The following EPHA3 variants were observed in gnomAD, a reference collection of about 807,000 sequenced individuals.
The protein encoded by EPHA3 is EPH receptor A3.
A neutral mutation model predicts 107.1 loss-of-function variants in EPHA3; 42 were observed. That is an observed-to-expected ratio of 0.39 (90% CI 0.31 to 0.51). EPHA3 has a LOEUF of 0.51. Among genes scored for constraint, EPHA3 ranks in the 20% least tolerant of loss-of-function variants. The pLI is 0.78. For missense variants in EPHA3, 1,183 were observed against 1,211.2 expected, an observed-to-expected ratio of 0.98 and a Z score of 0.35; for synonymous variants, 461 against 424.8, an observed-to-expected ratio of 1.09 and a Z score of -1.05.
chr3:89,369,824 A>G (rs1708257622), intron 5 of EPHA3, among the ~76,000 whole-genome samples: 2 of 150,106 alleles, frequency 1.3e-5, no homozygotes, highest in Admixed American at 1.3e-4. Context: ...AAAACAAACA[A>G]CCCCATCAAA....
chr3:89,389,317 T>C (rs985347242), intron 5 of EPHA3, among the ~76,000 whole-genome samples: 8 of 152,200 alleles, frequency 5.3e-5, no homozygotes, highest in African/African-American at 1.9e-4. Context: ...GTAGGCATTG[T>C]AATGAATGGT....
Position 89,479,491 on chromosome 3 carries a change from G to A in EPHA3, c.2941G>A (p.Val981Ile). Residue 981 changes from valine (V) to isoleucine (I), a missense_variant, in exon 17 of 17, where the codon GTT (valine) becomes ATT (isoleucine). By Grantham distance (29) the Val-to-Ile change is conservative. Transcript: ENST00000336596. ...AGAAACGCAATCAAAGAATGGCCCA[G>A]TTCCCGTGTAAAGCACGGGACGGAA... ...ALETQSKNGP[V>I]PV is the part of the protein sequence containing the mutation. The A allele has an allele frequency of 1.2e-6, 2 of 1,613,936 alleles. No individual in the cohort carries two copies. The highest frequency in any genetic ancestry group is 1.7e-6 in the Non-Finnish European group (2 of 1,179,850).
At chr3:89,320,881 T>C (rs972421999) in intron 3 of EPHA3, among the ~76,000 whole-genome samples, 19 of 152,090 alleles carry the variant, frequency 1.2e-4, no homozygotes, top group Non-Finnish European at 5.9e-5. Flanking sequence ...TCCTCTGTAA[T>C]GTGAAATTGA....
intron 1 of EPHA3, among the ~76,000 whole-genome samples, chr3:89,112,810 G>T (rs1707145271): frequency 6.6e-6 from 1 of 151,592 alleles, no homozygotes; most frequent in African/African-American, 2.4e-5. Flanking sequence ...TTCTTTCAAT[G>T]ATTCGGTTTG....
At chr3:89,367,457 G>A (rs910330625) in intron 5 of EPHA3, among the ~76,000 whole-genome samples, 1 of 150,552 alleles carries the variant, frequency 6.6e-6, no homozygotes, top group African/African-American at 2.4e-5. Context: ...CAGGGACCTA[G>A]CTTTATCCAT....
At chr3:89,230,070 T>A (rs1261912321) in intron 3 of EPHA3, among the ~76,000 whole-genome samples, 17 of 152,202 alleles carry the variant, frequency 1.1e-4, no homozygotes, top group African/African-American at 3.9e-4. Flanking sequence ...ATATGAGTAA[T>A]AAAAGTTAGA....
chr3:89,296,312 A>T (rs1168784057), intron 3 of EPHA3, among the ~76,000 whole-genome samples: 1 of 152,228 alleles, frequency 6.6e-6, no homozygotes, highest in Non-Finnish European at 1.5e-5. Context: ...CTTACAAAAT[A>T]TATTTCTTAG....
At chr3:89,255,992 C>T (rs1435692478) in intron 3 of EPHA3, among the ~76,000 whole-genome samples, 9 of 152,002 alleles carry the variant, frequency 5.9e-5, no homozygotes, top group Non-Finnish European at 5.9e-5. Flanking sequence ...TTTTGGGAGG[C>T]CAAAGCCAGC....
intron 3 of EPHA3, among the ~76,000 whole-genome samples, chr3:89,223,027 G>C (rs1464176336): frequency 6.6e-6 from 1 of 152,096 alleles, no homozygotes; most frequent in East Asian, 1.9e-4. Context: ...AAATCTAAAA[G>C]CTTATTTAAA....
chr3:89,173,330 C>G (rs1211707961), intron 2 of EPHA3, among the ~76,000 whole-genome samples: 1 of 151,864 alleles, frequency 6.6e-6, no homozygotes, highest in African/African-American at 2.4e-5. Flanking sequence ...AATCCAAGGC[C>G]AAAAATGCAT....
At chr3:89,432,040 A>G (rs1269997547) in intron 13 of EPHA3, among the ~76,000 whole-genome samples, 7 of 152,048 alleles carry the variant, frequency 4.6e-5, no homozygotes, top group Non-Finnish European at 8.8e-5. Flanking sequence ...TGTATTCTAT[A>G]TTGTTGTATC....
intron 5 of EPHA3, among the ~76,000 whole-genome samples, chr3:89,347,419 T>A (rs1707694164): frequency 6.7e-6 from 1 of 150,072 alleles, no homozygotes; most frequent in Admixed American, 6.7e-5. Flanking sequence ...GCTGTTTGTC[T>A]GTTGTTGGTG....
chr3:89,390,079 C>T (rs1280146247), intron 5 of EPHA3, among the ~76,000 whole-genome samples: 1 of 152,112 alleles, frequency 6.6e-6, no homozygotes, highest in African/African-American at 2.4e-5. Flanking sequence ...GTAACCTCCA[C>T]CTCCAGGATT....
chr3:89,455,503 A>G (rs1710079039), intron 15 of EPHA3, among the ~76,000 whole-genome samples: 1 of 152,148 alleles, frequency 6.6e-6, no homozygotes, highest in South Asian at 2.1e-4. Flanking sequence ...ACTTTGAAAT[A>G]TTTTTCAAAT....
intron 5 of EPHA3, among the ~76,000 whole-genome samples, chr3:89,351,012 C>G (rs1480459135): frequency 1.3e-5 from 2 of 151,402 alleles, no homozygotes; most frequent in Non-Finnish European, 3.0e-5. Flanking sequence ...AACCACTGCT[C>G]TCTTCAAAGC....
At chr3:89,111,087 T>C (rs1413181795) in intron 1 of EPHA3, among the ~76,000 whole-genome samples, 2 of 151,996 alleles carry the variant, frequency 1.3e-5, no homozygotes, top group Non-Finnish European at 2.9e-5. Flanking sequence ...TTAAAGACTT[T>C]TTTTAGTAGC....
At chr3:89,407,863 C>A (rs1396583275) in intron 8 of EPHA3, among the ~76,000 whole-genome samples, 2 of 152,134 alleles carry the variant, frequency 1.3e-5, no homozygotes, top group Non-Finnish European at 2.9e-5. Context: ...CTCTGTGTAT[C>A]TCCTCATTAG....
chr3:89,283,313 A>G (rs1343746537), intron 3 of EPHA3, among the ~76,000 whole-genome samples: 2 of 152,104 alleles, frequency 1.3e-5, no homozygotes, highest in Non-Finnish European at 2.9e-5. Context: ...ACAGAGGAAA[A>G]ACATAATGTT....
intron 13 of EPHA3, among the ~76,000 whole-genome samples, chr3:89,447,344 C>G (rs543611400): frequency 6.6e-6 from 1 of 152,112 alleles, no homozygotes; most frequent in Non-Finnish European, 1.5e-5. Context: ...ATTCTTCCTG[C>G]TGATGGTGTT....
Sources: allele counts gnomAD v4.1 joint callset (sites outside exome capture counted in the v4.1 genomes callset), GRCh38; gene constraint gnomAD v4.1.1; transcripts MANE v1.5; gene names NCBI Gene and HGNC (gene_info 2026-07-23, HGNC 2026-07-21).